The following FAAH2 variants were observed in gnomAD, a reference collection of about 807,000 sequenced individuals.
The protein encoded by FAAH2 is fatty-acid amide hydrolase 2.
FAAH2 carries 60 observed loss-of-function variants against 36.9 expected under a neutral mutation model. That is an observed-to-expected ratio of 1.63 (90% confidence interval 1.32 to 2.02). The LOEUF is 2.02. Ranked by LOEUF, FAAH2 falls within the 30% of genes most tolerant of loss-of-function variation. The pLI, the probability that FAAH2 is intolerant of heterozygous loss-of-function variation, is 0.00. For synonymous variants in FAAH2, 214 were observed against 143.8 expected (o/e 1.49, Z -3.49); for missense variants, 689 against 397.5 (o/e 1.73, Z -6.23).
At chrX:57,426,204 G>T (rs769540616) in intron 7 of FAAH2, among the ~76,000 whole-genome samples, 83 of 111,686 alleles carry the variant, frequency 7.4e-4, no homozygotes, top group African/African-American at 2.4e-3. Flanking sequence ...AATGATAAAT[G>T]GATCAATTCA....
intron 5 of FAAH2, among the ~76,000 whole-genome samples, chrX:57,369,972 C>T (rs1277070211): frequency 9.0e-6 from 1 of 111,376 alleles, no homozygotes; most frequent in African/African-American, 3.3e-5. Flanking sequence ...TGTATGTGAC[C>T]AAACTTATTA....
chrX:57,463,369 G>T (rs2056994486), intron 10 of FAAH2, among the ~76,000 whole-genome samples: 1 of 110,748 alleles, frequency 9.0e-6, no homozygotes, highest in African/African-American at 3.3e-5. Flanking sequence ...TAAGAAAAAA[G>T]ACCAAAGCTG....
intron 10 of FAAH2, among the ~76,000 whole-genome samples, chrX:57,454,833 G>T (rs2056840427): frequency 8.9e-6 from 1 of 111,949 alleles, no homozygotes; most frequent in South Asian, 3.7e-4. Context: ...ATGACTCATG[G>T]TGTTTTCAAA....
Position 57,340,016 on chromosome X carries a change from G to A in FAAH2, c.623-1255G>A, listed in dbSNP as rs752265152. ...ACAAGTTGAAGTCCCACAATAGGCCGTCTGCAAGCTGAGGAGCAAGGAAGC... is the reference window on the plus strand; with the variant it reads ...ACAAGTTGAAGTCCCACAATAGGCCATCTGCAAGCTGAGGAGCAAGGAAGC... On this transcript the variant is annotated intron_variant, in intron 4 of 10. Coordinates refer to ENST00000374900, the MANE Select transcript of FAAH2 (RefSeq NM_174912.4). Among the ~76,000 whole-genome samples, 10 of 111,499 alleles carry A rather than the reference G, an allele frequency of 9.0e-5. No individual in the cohort carries two copies. In the East Asian group the frequency reaches 1.4e-3, roughly 16 times the overall value.
At chrX:57,420,626 A>T (rs990772652) in intron 7 of FAAH2, among the ~76,000 whole-genome samples, 2 of 109,693 alleles carry the variant, frequency 1.8e-5, no homozygotes, top group South Asian at 4.0e-4. Context: ...TTGGGCTGAG[A>T]CAATGTGGTT....
At chrX:57,243,964 ATG>A in the FAAH2 span, among the ~76,000 whole-genome samples, 1 of 109,372 alleles carries the variant, frequency 9.1e-6, no homozygotes, top group South Asian at 4.0e-4. Flanking sequence ...CTAAAGGAGC[ATG>A]TTCTAACCCA....
chrX:57,444,479 G>T (rs1275413796), intron 8 of FAAH2, among the ~76,000 whole-genome samples: 1 of 111,709 alleles, frequency 9.0e-6, no homozygotes, highest in Non-Finnish European at 1.9e-5. Flanking sequence ...TAGGGTGGGT[G>T]TTTCCTGATT....
At chrX:57,432,920 C>CTGATTATTAATGTTGCTCATTA (rs1569341502) in intron 8 of FAAH2, among the ~76,000 whole-genome samples, 3 of 108,875 alleles carry the variant, frequency 2.8e-5, no homozygotes, top group Admixed American at 9.8e-5. Context: ...AGATATCTCA[C>CTGATTATTAATGTTGCTCATTA]ATACAATAGC....
At chrX:57,399,780 G>A (rs2055388772) in intron 7 of FAAH2, among the ~76,000 whole-genome samples, 1 of 111,931 alleles carries the variant, frequency 8.9e-6, no homozygotes, top group Admixed American at 9.4e-5. Context: ...TGGAGGACTA[G>A]GTAAGCATAT....
At chrX:57,378,028 A>T (rs189044849) in intron 5 of FAAH2, among the ~76,000 whole-genome samples, 3 of 111,840 alleles carry the variant, frequency 2.7e-5, no homozygotes, top group Non-Finnish European at 5.6e-5. Flanking sequence ...AGGTTAAGAA[A>T]GTTTTGGGCT....
At chrX:57,481,861 C>A (rs775724405) in intron 10 of FAAH2, among the ~76,000 whole-genome samples, 198 of 111,971 alleles carry the variant, frequency 1.8e-3, no homozygotes, top group Non-Finnish European at 2.9e-3. Flanking sequence ...CCACAGCTAC[C>A]CCTTCCCCCA....
chrX:57,357,884 A>C (rs2054197428), intron 5 of FAAH2, among the ~76,000 whole-genome samples: 1 of 111,740 alleles, frequency 8.9e-6, no homozygotes, highest in Non-Finnish European at 1.9e-5. Flanking sequence ...ACACATGTTC[A>C]TGTATGTTTA....
chrX:57,351,079 C>G (rs1447077097), intron 5 of FAAH2, among the ~76,000 whole-genome samples: 4 of 111,281 alleles, frequency 3.6e-5, no homozygotes, highest in African/African-American at 6.5e-5. Context: ...ATATGAACCA[C>G]AGGATAGGCC....
chrX:57,443,572 A>G (rs2056610154), intron 8 of FAAH2, among the ~76,000 whole-genome samples: 2 of 111,676 alleles, frequency 1.8e-5, no homozygotes, highest in African/African-American at 6.5e-5. Flanking sequence ...TTTAGCTTGG[A>G]GAAGTTTGTT....
At chrX:57,477,456 T>A (rs2057292204) in intron 10 of FAAH2, among the ~76,000 whole-genome samples, 1 of 111,119 alleles carries the variant, frequency 9.0e-6, no homozygotes, top group Admixed American at 9.6e-5. Flanking sequence ...TGATTTATAC[T>A]TTCTTTTGTT....
At chrX:57,311,634 A>G (rs1471991955) in intron 3 of FAAH2, among the ~76,000 whole-genome samples, 1 of 111,750 alleles carries the variant, frequency 8.9e-6, no homozygotes, top group Non-Finnish European at 1.9e-5. Context: ...GACCCAGGAG[A>G]GAGCAGAGCC....
chrX:57,406,074 C>A (rs1239136326), intron 7 of FAAH2, among the ~76,000 whole-genome samples: 1 of 110,655 alleles, frequency 9.0e-6, no homozygotes, highest in East Asian at 2.9e-4. Flanking sequence ...AAGCAGCTGT[C>A]ACTTCTTAGT....
chrX:57,460,430 G>A, intron 10 of FAAH2, among the ~76,000 whole-genome samples: 1 of 111,814 alleles, frequency 8.9e-6, no homozygotes, highest in Non-Finnish European at 1.9e-5. Context: ...TACCTACAAA[G>A]GGAAACCCGC....
intron 7 of FAAH2, among the ~76,000 whole-genome samples, chrX:57,421,362 G>A (rs189626299): frequency 1.8e-5 from 2 of 112,093 alleles, no homozygotes; most frequent in Non-Finnish European, 3.8e-5. Context: ...TGAGACCGGA[G>A]AGTTGCTTGA....
Sources: allele counts gnomAD v4.1 joint callset (sites outside exome capture counted in the v4.1 genomes callset), GRCh38; gene constraint gnomAD v4.1.1; transcripts MANE v1.5; gene names NCBI Gene and HGNC (gene_info 2026-07-23, HGNC 2026-07-21).